Variants in NEBL observed in about 807,000 individuals in gnomAD.
The protein encoded by NEBL is LIM and SH3 protein 2.
A neutral mutation model predicts 140.2 loss-of-function variants in NEBL; 122 were observed. The observed-to-expected ratio is 0.87, with a 90% CI of 0.75 to 1.01. NEBL has a LOEUF of 1.01. Ranked by LOEUF, NEBL falls within the 50% of genes least tolerant of loss-of-function variation. The pLI is 0.00. For synonymous variants in NEBL, 436 were observed against 398.9 expected, an observed-to-expected ratio of 1.09 and a Z score of -1.11; for missense variants, 1,365 against 1,231.3, an observed-to-expected ratio of 1.11 and a Z score of -1.62.
chr10:20,786,226 C>A (rs1835394313), intron 27 of NEBL, among the ~76,000 whole-genome samples: 1 of 152,074 alleles, frequency 6.6e-6, no homozygotes, highest in Admixed American at 6.6e-5. Flanking sequence ...CCCCAGAAAC[C>A]TTAGATAATA....
intron 3 of NEBL, among the ~76,000 whole-genome samples, chr10:21,193,374 G>A (rs924599705): frequency 2.4e-4 from 37 of 152,236 alleles, no homozygotes; most frequent in African/African-American, 8.4e-4. Context: ...TGAAATGGTC[G>A]GAAACCAGCA....
intron 1 of NEBL, among the ~76,000 whole-genome samples, chr10:21,269,538 G>A (rs1285312790): frequency 3.9e-5 from 6 of 152,140 alleles, no homozygotes; most frequent in African/African-American, 7.2e-5. Flanking sequence ...AATAATGAAC[G>A]TTCGTGGTTA....
chr10:21,178,707 A>G (rs1416870099), upstream of NEBL, among the ~76,000 whole-genome samples: 1 of 152,236 alleles, frequency 6.6e-6, no homozygotes, highest in East Asian at 1.9e-4. Flanking sequence ...AATAATGATG[A>G]AACATTCCTT....
chr10:21,252,957 A>T (rs1195849065), intron 1 of NEBL, among the ~76,000 whole-genome samples: 1 of 152,094 alleles, frequency 6.6e-6, no homozygotes, highest in East Asian at 1.9e-4. Context: ...CTCCATCCCA[A>T]AAAAGCAAAT....
chr10:20,796,676 T>C (rs886732177), intron 26 of NEBL, among the ~76,000 whole-genome samples: 3 of 152,206 alleles, frequency 2.0e-5, no homozygotes, highest in Non-Finnish European at 2.9e-5. Flanking sequence ...ATCTAGCCCA[T>C]TTACTTCTAC....
At chr10:20,936,220 A>T (rs953001555) in intron 4 of NEBL, among the ~76,000 whole-genome samples, 2 of 152,172 alleles carry the variant, frequency 1.3e-5, no homozygotes, top group Non-Finnish European at 2.9e-5. Context: ...TCTCATAAAA[A>T]CTCTGCAAAT....
intron 4 of NEBL, among the ~76,000 whole-genome samples, chr10:20,951,783 A>G (rs548821064): frequency 6.6e-6 from 1 of 152,340 alleles, no homozygotes; most frequent in South Asian, 2.1e-4. Context: ...TTTAACATTC[A>G]GGATATTCTA....
intron 2 of NEBL, among the ~76,000 whole-genome samples, chr10:21,169,067 A>AAAAAAAAATATATAT (rs1554830679): frequency 2.2e-4 from 5 of 23,074 alleles, no homozygotes; most frequent in Admixed American, 7.6e-4. Flanking sequence ...AAAAAAAAAA[A>AAAAAAAAATATATAT]ATATATATAT....
intron 9 of NEBL, among the ~76,000 whole-genome samples, chr10:20,853,765 T>C (rs1842775660): frequency 6.6e-6 from 1 of 151,754 alleles, no homozygotes; most frequent in Admixed American, 6.6e-5. Context: ...AAAGTGGAGA[T>C]GGTTAAGGAG....
intron 3 of NEBL, among the ~76,000 whole-genome samples, chr10:21,241,912 G>T (rs1387177030): frequency 1.3e-5 from 2 of 151,478 alleles, no homozygotes; most frequent in Admixed American, 6.6e-5. Flanking sequence ...TCTAAGAAAC[G>T]TTCTGTAGGC....
At chr10:20,904,340 A>C (rs1237447661) in intron 4 of NEBL, among the ~76,000 whole-genome samples, 1 of 152,186 alleles carries the variant, frequency 6.6e-6, no homozygotes, top group African/African-American at 2.4e-5. Flanking sequence ...CTTTGAACCA[A>C]CTGTAAGGTC....
chr10:21,103,537 C>G (rs1837574819), intron 2 of NEBL, among the ~76,000 whole-genome samples: 1 of 152,124 alleles, frequency 6.6e-6, no homozygotes, highest in African/African-American at 2.4e-5. Flanking sequence ...ATAAGGTCAG[C>G]CTTTTCCATC....
intron 2 of NEBL, among the ~76,000 whole-genome samples, chr10:21,108,003 T>C (rs539003728): frequency 6.6e-6 from 1 of 152,326 alleles, no homozygotes; most frequent in South Asian, 2.1e-4. Flanking sequence ...TTCTATGGGA[T>C]CGGTGGTGAT....
intron 2 of NEBL, among the ~76,000 whole-genome samples, chr10:21,047,404 A>G (rs916265538): frequency 6.6e-6 from 1 of 152,188 alleles, no homozygotes; most frequent in Non-Finnish European, 1.5e-5. Context: ...AAAAACAAAA[A>G]TACATGTGGG....
intron 3 of NEBL, among the ~76,000 whole-genome samples, chr10:21,212,687 G>A (rs1051082409): frequency 6.6e-6 from 1 of 152,170 alleles, no homozygotes; most frequent in Non-Finnish European, 1.5e-5. Context: ...GTCCTTCAGT[G>A]AGTGCTTTCC....
chr10:20,845,480 C>T, intron 11 of NEBL, 112 bp from the exon 12 acceptor site: 1 of 684,288 alleles, frequency 1.5e-6, no homozygotes, highest in Non-Finnish European at 2.6e-6. Flanking sequence ...GTAGTTCTAC[C>T]ACCTGAGGGT....
chr10:21,071,475 G>C (rs1431030807), intron 2 of NEBL, among the ~76,000 whole-genome samples: 1 of 152,024 alleles, frequency 6.6e-6, no homozygotes, highest in African/African-American at 2.4e-5. Context: ...CTGAGTCTTG[G>C]TTTTCTTATC....
At chr10:21,184,524 T>C (rs1190827827) in intron 3 of NEBL, among the ~76,000 whole-genome samples, 1 of 152,112 alleles carries the variant, frequency 6.6e-6, no homozygotes, top group East Asian at 1.9e-4. Flanking sequence ...ATTAATTAAG[T>C]GAAATGAATG....
chr10:20,897,504 G>A, upstream of NEBL: 1 of 1,120,408 alleles, frequency 8.9e-7, no homozygotes, highest in Non-Finnish European at 1.1e-6. Flanking sequence ...AAATCCAAAA[G>A]AAAAAATTTA....
Sources: gnomAD v4.1 joint callset for allele counts (sites outside exome capture counted in the v4.1 genomes callset) on GRCh38, gnomAD v4.1.1 for gene constraint, MANE v1.5 for transcripts, NCBI Gene and HGNC (gene_info 2026-07-23, HGNC 2026-07-21) for gene names.